RARB: variants seen among roughly 807,000 people sequenced by gnomAD.
RARB encodes retinoic acid receptor beta.
RARB carries 17 observed loss-of-function variants against 51.9 expected under a neutral mutation model. The observed-to-expected ratio is 0.33, with a 90% CI of 0.22 to 0.49. The LOEUF is 0.49. Among genes scored for constraint, RARB ranks in the 20% least tolerant of loss-of-function variants. The probability of loss-of-function intolerance (pLI) is 0.99; values close to 1 mark genes in which losing one functional copy is unlikely to be tolerated. For synonymous variants in RARB, 215 were observed against 195.4 expected (o/e 1.10, Z -0.84); for missense variants, 369 against 550.8 (o/e 0.67, Z 3.30).
At chr3:25,092,226 A>T (rs935227105) in intron 3 of RARB, among the ~76,000 whole-genome samples, 4 of 152,178 alleles carry the variant, frequency 2.6e-5, no homozygotes, top group Non-Finnish European at 5.9e-5. Flanking sequence ...TGATGGAAAA[A>T]AGTATCCAAC....
intron 2 of RARB, among the ~76,000 whole-genome samples, chr3:25,017,033 A>C (rs1697524838): frequency 6.6e-6 from 1 of 152,146 alleles, no homozygotes; most frequent in Non-Finnish European, 1.5e-5. Flanking sequence ...ATGAGTCACC[A>C]AAGTCAGCCC....
At chr3:25,210,529 C>CTTTTTTTTTTTTTTTTTTTTTTTTTTTT (rs773846113) in intron 5 of RARB, among the ~76,000 whole-genome samples, 2 of 27,618 alleles carry the variant, frequency 7.2e-5, no homozygotes, top group Non-Finnish European at 1.7e-4. Context: ...TTATCTGATT[C>CTTTTTTTTTTTTTTTTTTTTTTTTTTTT]TTTTTTTTTT....
At chr3:25,542,719 C>T (rs1202252319) in intron 3 of RARB, among the ~76,000 whole-genome samples, 3 of 152,248 alleles carry the variant, frequency 2.0e-5, no homozygotes, top group Non-Finnish European at 4.4e-5. Flanking sequence ...ATAAGCATTT[C>T]CATGTGGCTG....
At chr3:24,839,574 G>A (rs1473646267) in intron 1 of RARB, among the ~76,000 whole-genome samples, 6 of 151,332 alleles carry the variant, frequency 4.0e-5, no homozygotes, top group East Asian at 1.9e-4. Flanking sequence ...TGGGTATGGC[G>A]GTGCACATCT....
intron 2 of RARB, among the ~76,000 whole-genome samples, chr3:24,990,125 C>T (rs143842210): frequency 3.4e-5 from 3 of 87,652 alleles, no homozygotes; most frequent in Non-Finnish European, 6.6e-5. Context: ...TGGAACTTTT[C>T]TTTTTTTTTT....
At chr3:25,331,992 G>T (rs1575318719) in intron 5 of RARB, among the ~76,000 whole-genome samples, 1 of 152,258 alleles carries the variant, frequency 6.6e-6, no homozygotes, top group African/African-American at 2.4e-5. Context: ...TTGAGTCCCT[G>T]AATAGACCAA....
chr3:25,154,827 A>C (rs916448921), intron 4 of RARB, among the ~76,000 whole-genome samples: 1 of 152,162 alleles, frequency 6.6e-6, no homozygotes, highest in Non-Finnish European at 1.5e-5. Flanking sequence ...GTGTGCTTTC[A>C]TAATACTCGC....
rs1043039007 is a variant in RARB at position 25,053,443 on chromosome 3, G to A, written c.-379-6682G>A. 2.0e-5 allele frequency among the ~76,000 whole-genome samples: 3 copies of A among 152,218 alleles called. No homozygotes were observed. In the South Asian group the frequency reaches 6.2e-4, roughly 32 times the overall value. The stretch of plus-strand genomic sequence containing the variant: ...TCCTTTGCTTAGCAGGTCCATAGTA[G>A]ATGTTTATTGAGTTGAAATGAATTG... On this transcript the variant is annotated intron_variant, in intron 2 of 11. Coordinates refer to the RARB transcript ENST00000383772.
intron 3 of RARB, among the ~76,000 whole-genome samples, chr3:25,102,165 C>G (rs1186211218): frequency 6.6e-6 from 1 of 152,160 alleles, no homozygotes; most frequent in Non-Finnish European, 1.5e-5. Flanking sequence ...ATTTCTGCAG[C>G]AAAATGCGTG....
chr3:25,558,810 C>A (rs1027636775), intron 3 of RARB, among the ~76,000 whole-genome samples: 2 of 152,160 alleles, frequency 1.3e-5, no homozygotes, highest in African/African-American at 4.8e-5. Context: ...TAGCCCAATA[C>A]GGGGTTAAAA....
At chr3:25,540,623 A>T (rs1367037522) in intron 3 of RARB, among the ~76,000 whole-genome samples, 1 of 152,208 alleles carries the variant, frequency 6.6e-6, no homozygotes, top group Admixed American at 6.5e-5. Context: ...TTCTGATGAC[A>T]TGGTCACAGC....
At chr3:25,110,543 TCATC>T (rs1298255700) in intron 3 of RARB, among the ~76,000 whole-genome samples, 5 of 152,202 alleles carry the variant, frequency 3.3e-5, no homozygotes, top group African/African-American at 1.2e-4. Context: ...TATTAAGACT[TCATC>T]CAACAAGGAA....
intron 1 of RARB, among the ~76,000 whole-genome samples, chr3:24,854,674 G>T (rs75931154): frequency 0.15 from 23,000 of 152,024 alleles, 2,268 homozygotes; most frequent in East Asian, 0.56. Flanking sequence ...CTAGGACAGG[G>T]TTACTCAACT....
At chr3:25,344,817 A>G (rs1206662368) in intron 5 of RARB, among the ~76,000 whole-genome samples, 1 of 152,192 alleles carries the variant, frequency 6.6e-6, no homozygotes, top group East Asian at 1.9e-4. Flanking sequence ...ATCAAATCCT[A>G]ATCCCAGCAT....
chr3:25,592,446 C>T (rs1243252804), intron 5 of RARB, among the ~76,000 whole-genome samples: 1 of 152,222 alleles, frequency 6.6e-6, no homozygotes, highest in Non-Finnish European at 1.5e-5. Context: ...AGCAGAGACC[C>T]TTTATTGTCG....
chr3:25,116,192 G>A (rs1422525416), intron 3 of RARB, among the ~76,000 whole-genome samples: 2 of 152,174 alleles, frequency 1.3e-5, no homozygotes, highest in Non-Finnish European at 1.5e-5. Flanking sequence ...GGAATGGAAT[G>A]TAGCCAAGTC....
chr3:25,419,107 C>T (rs1016720015), intron 5 of RARB, among the ~76,000 whole-genome samples: 16 of 151,774 alleles, frequency 1.1e-4, no homozygotes, highest in Admixed American at 1.1e-3. Context: ...GCCAAAGGAG[C>T]ATAATCTAAT....
At chr3:25,279,125 C>G (rs1247354206) in intron 5 of RARB, among the ~76,000 whole-genome samples, 3 of 152,146 alleles carry the variant, frequency 2.0e-5, no homozygotes, top group Non-Finnish European at 4.4e-5. Context: ...CTCTCAGAAG[C>G]CCCAGAAACG....
intron 2 of RARB, among the ~76,000 whole-genome samples, chr3:25,498,845 T>C (rs1479033038): frequency 6.6e-6 from 1 of 152,212 alleles, no homozygotes; most frequent in East Asian, 1.9e-4. Flanking sequence ...AGTTTCTACA[T>C]CTGGCAGCAG....
Sources: allele counts gnomAD v4.1 joint callset (sites outside exome capture counted in the v4.1 genomes callset), GRCh38; gene constraint gnomAD v4.1.1; transcripts MANE v1.5; gene names NCBI Gene and HGNC (gene_info 2026-07-23, HGNC 2026-07-21).